ANKRD29: variants seen among roughly 807,000 people sequenced by gnomAD.
ANKRD29 encodes the protein ankyrin repeat domain-containing protein 29.
A neutral mutation model predicts 38.0 loss-of-function variants in ANKRD29; 32 were observed. The ratio of observed to expected loss-of-function variants is 0.84; its 90% CI spans 0.64 to 1.13. ANKRD29 has a LOEUF of 1.13. ANKRD29 is among the 50% of genes most tolerant of loss of function. ANKRD29 has a pLI of 0.00. For synonymous variants in ANKRD29, 135 were observed against 152.4 expected (o/e 0.89, Z 0.84); for missense variants, 357 against 377.9 (o/e 0.94, Z 0.46).
intron 6 of ANKRD29, among the ~76,000 whole-genome samples, chr18:23,625,890 C>G (rs780508611): frequency 1.7e-4 from 26 of 152,172 alleles, no homozygotes; most frequent in Non-Finnish European, 3.2e-4. Flanking sequence ...GCTTATGAGT[C>G]TGGGCCCTAT....
chr18:23,607,127 C>T (rs2059584209), intron 9 of ANKRD29, among the ~76,000 whole-genome samples: 1 of 152,174 alleles, frequency 6.6e-6, no homozygotes, highest in African/African-American at 2.4e-5. Flanking sequence ...GTAAGTTTGT[C>T]ACAAGTGGTC....
At chr18:23,611,289 T>C (rs1200330780) in intron 9 of ANKRD29, among the ~76,000 whole-genome samples, 2 of 152,198 alleles carry the variant, frequency 1.3e-5, no homozygotes, top group African/African-American at 2.4e-5. Context: ...TACCAGAATT[T>C]TGGCATTTTT....
chr18:23,659,750 CAA>C (rs57089995), intron 1 of ANKRD29, among the ~76,000 whole-genome samples: 2 of 141,412 alleles, frequency 1.4e-5, no homozygotes, highest in African/African-American at 2.6e-5. Flanking sequence ...TCAAAAAAGA[CAA>C]AAAAAAAAAC....
rs147920351 is a variant in ANKRD29 at position 23,626,082 on chromosome 18, T to C, written c.528+3771A>G. On this transcript the variant is annotated intron_variant, in intron 6 of 9. Transcript: ENST00000592179. Reference sequence around the variant, plus strand: ...CCAAGCAGCAAGGACTTCCTATGGCTGTCTGTTCCCATTTCCAAACCCCCA... The same window carrying C: ...CCAAGCAGCAAGGACTTCCTATGGCCGTCTGTTCCCATTTCCAAACCCCCA... 1.6e-3 allele frequency among the ~76,000 whole-genome samples: 250 copies of C among 152,330 alleles called. 2 individuals are homozygous for C. The highest frequency in any genetic ancestry group is 5.7e-3 in the African/African-American group (239 of 41,572).
chr18:23,599,720 G>GGC lies in ANKRD29; in HGVS notation c.*1505_*1506insGC. On this transcript the variant is annotated 3_prime_UTR_variant, in exon 10 of 10. Coordinates refer to ENST00000592179, the MANE Select transcript of ANKRD29 (RefSeq NM_173505.4). ...AATCAGGTTGCAGGCTTTTTGTATAGCTGGTCAGGCTGTAGGCACCTGTGG... is the reference window on the plus strand; with the variant it reads ...AATCAGGTTGCAGGCTTTTTGTATAGGCCTGGTCAGGCTGTAGGCACCTGTGG... The GGC allele has an allele frequency of 6.6e-6, 1 of 152,302 alleles. No individual in the cohort carries two copies. The highest frequency in any genetic ancestry group is 2.1e-4 in the South Asian group (1 of 4,824). The allele number at this position is 152,302 out of a possible 1,614,324, so 9.4% of individuals were successfully genotyped here. A position where few individuals can be genotyped will look rare whatever the true frequency, so the allele number is the denominator to read the frequency against.
intron 8 of ANKRD29, among the ~76,000 whole-genome samples, chr18:23,615,950 A>G (rs950990337): frequency 2.2e-5 from 3 of 136,992 alleles, no homozygotes; most frequent in African/African-American, 5.4e-5. Flanking sequence ...TATAATATAT[A>G]CATACTATAT....
Position 23,629,902 on chromosome 18 carries a change from A to T in ANKRD29, c.479T>A (p.Val160Asp), listed in dbSNP as rs1357884659. The T allele has an allele frequency of 6.2e-7, 1 of 1,614,078 alleles. No individual in the cohort carries two copies. The highest frequency in any genetic ancestry group is 8.5e-7 in the Non-Finnish European group (1 of 1,180,038). ...FLAAQGGYLDVIRLLLASGAK... is the reference protein window; with the variant it reads ...FLAAQGGYLDDIRLLLASGAK... ...TCCTGAAGCCAGCAGTAATCGAATA[A>T]CATCCAAGTAACCACCTTGGGCAGC... is the stretch of plus-strand genomic sequence containing the variant. The change falls in exon 6 of 10, where the codon GTT (valine) becomes GAT (aspartate). Residue 160 changes from valine to aspartate, a missense_variant. Coordinates refer to ENST00000592179, the MANE Select transcript of ANKRD29 (RefSeq NM_173505.4).
At chr18:23,605,439 C>T (rs2059563493) in intron 9 of ANKRD29, among the ~76,000 whole-genome samples, 1 of 152,112 alleles carries the variant, frequency 6.6e-6, no homozygotes, top group East Asian at 1.9e-4. Context: ...TGGCCTCAAG[C>T]AGTCTTCCCA....
intron 9 of ANKRD29, among the ~76,000 whole-genome samples, chr18:23,608,869 C>T (rs1405461684): frequency 1.3e-5 from 2 of 152,180 alleles, no homozygotes; most frequent in Non-Finnish European, 1.5e-5. Context: ...CGGTGGCTCA[C>T]GCCTGTAATC....
chr18:23,619,375 C>G (rs910622608), intron 7 of ANKRD29, 156 bp downstream of exon 7: 1 of 679,818 alleles, frequency 1.5e-6, no homozygotes, highest in African/African-American at 1.9e-5. Context: ...GGAGAGAGAC[C>G]GAGCAGCACC....
intron 4 of ANKRD29, among the ~76,000 whole-genome samples, chr18:23,635,899 G>A (rs2059996526): frequency 2.0e-5 from 3 of 152,142 alleles, no homozygotes; most frequent in Admixed American, 1.3e-4. Flanking sequence ...GGGGGAGGGT[G>A]CTTGAGATGG....
rs150893402 is a variant in ANKRD29, at chr18:23,604,735, T to C, written c.823-3426A>G. Among the ~76,000 whole-genome samples, 10 of 152,166 alleles carry C rather than the reference T, an allele frequency of 6.6e-5. No individual in the cohort carries two copies. In the East Asian group the frequency reaches 1.9e-3, roughly 29 times the overall value. ...TAGTAGAGATGGGGTTTCACCATGT[T>C]GGCCAGGATGGTCTCGATTTCTTGA... is the stretch of plus-strand genomic sequence containing the variant. On this transcript the variant is annotated intron_variant, in intron 9 of 9. Coordinates refer to ENST00000592179, the MANE Select transcript of ANKRD29 (RefSeq NM_173505.4).
At chr18:23,631,149 A>G (rs1309460191) in intron 5 of ANKRD29, among the ~76,000 whole-genome samples, 2 of 151,730 alleles carry the variant, frequency 1.3e-5, no homozygotes, top group Non-Finnish European at 2.9e-5. Flanking sequence ...TGTGGTCCCA[A>G]CTACTCAAGA....
chr18:23,656,246 A>G (rs1340894910), intron 1 of ANKRD29, among the ~76,000 whole-genome samples: 2 of 152,118 alleles, frequency 1.3e-5, no homozygotes, highest in Non-Finnish European at 2.9e-5. Flanking sequence ...AAAACCATCA[A>G]AAGTAGACGC....
chr18:23,647,478 C>G (rs530613322), intron 2 of ANKRD29: 2 of 151,952 alleles, frequency 1.3e-5, no homozygotes, highest in East Asian at 3.9e-4. Flanking sequence ...GGTAAAGTAA[C>G]GAAGTAACGA....
chr18:23,651,010 T>C (rs1236191234), intron 1 of ANKRD29, among the ~76,000 whole-genome samples: 1 of 152,178 alleles, frequency 6.6e-6, no homozygotes, highest in Non-Finnish European at 1.5e-5. Context: ...ATTGATATCG[T>C]ATTAAATACA....
rs1011441606 is a variant in ANKRD29 at position 23,600,793 on chromosome 18, C to T, written c.*433G>A. ...TATGATAGATCTATATATTTTAGCA[C>T]ATCTACATTTAACACAAAAGCAAAA... On this transcript the variant is annotated 3_prime_UTR_variant, in exon 10 of 10. Transcript: ENST00000592179. 1 of 157,064 alleles carries T rather than the reference C, an allele frequency of 6.4e-6. No individual in the cohort carries two copies. The highest frequency in any genetic ancestry group is 1.4e-5 in the Non-Finnish European group (1 of 70,590). The allele number at this position is 157,064 out of a possible 1,614,324, so 9.7% of individuals were successfully genotyped here.
chr18:23,642,342 C>A (rs1208606070), intron 3 of ANKRD29, among the ~76,000 whole-genome samples: 1 of 152,120 alleles, frequency 6.6e-6, no homozygotes, highest in Non-Finnish European at 1.5e-5. Flanking sequence ...TTCCTGGCAT[C>A]TCCAAGCTCC....
chr18:23,633,366 TA>T (rs2059957880), intron 5 of ANKRD29, among the ~76,000 whole-genome samples: 1 of 152,230 alleles, frequency 6.6e-6, no homozygotes, highest in Admixed American at 6.5e-5. Context: ...TACAACAGTA[TA>T]TTTTTATATC....
Sources: allele counts gnomAD v4.1 joint callset (sites outside exome capture counted in the v4.1 genomes callset), GRCh38; gene constraint gnomAD v4.1.1; transcripts MANE v1.5; gene names NCBI Gene and HGNC (gene_info 2026-07-23, HGNC 2026-07-21).